SDSL: variants seen among roughly 807,000 people sequenced by gnomAD.
SDSL encodes the protein serine dehydratase like.
In SDSL, 26 loss-of-function variants were observed where a neutral mutation model predicts 27.6. The observed-to-expected ratio is 0.94, with a 90% CI of 0.69 to 1.31. The LOEUF is 1.31. Among genes scored for constraint, SDSL ranks in the 50% most tolerant of loss-of-function variants. SDSL has a pLI of 0.00. For synonymous variants in SDSL, 196 were observed against 180.6 expected (o/e 1.09, Z -0.69); for missense variants, 431 against 423.5 (o/e 1.02, Z -0.16).
chr12:113,426,446 A>G, intron 1 of SDSL: 1 of 283,978 alleles, frequency 3.5e-6, no homozygotes. Flanking sequence ...TTGAAATGTG[A>G]ACAATTAACA....
At chr12:113,436,652 G>A (rs558899964) in intron 6 of SDSL, 99 bp from the exon 7 acceptor site, 7 of 1,261,958 alleles carry the variant, frequency 5.5e-6, no homozygotes, top group Non-Finnish European at 7.4e-6. Context: ...CCAGCCCATG[G>A]CAGGATGGGA....
chr12:113,434,040 A>G, intron 4 of SDSL, 94 bp from the exon 5 acceptor site: 1 of 1,038,262 alleles, frequency 9.6e-7, no homozygotes, highest in African/African-American at 1.6e-5. Context: ...AGACTACTAG[A>G]TCCTGGGGCC....
chr12:113,432,216 CTTT>C (rs1957931400), intron 4 of SDSL, among the ~76,000 whole-genome samples: 3 of 1,694 alleles, frequency 1.8e-3, no homozygotes, highest in Non-Finnish European at 2.9e-3. Context: ...TTGCTTCTTT[CTTT>C]CTTTCTTTCT....
At chr12:113,434,069 C>A in intron 4 of SDSL, 65 bp from the exon 5 acceptor site, 1 of 1,355,688 alleles carries the variant, frequency 7.4e-7, no homozygotes, top group Non-Finnish European at 1.0e-6. Context: ...GATCCTGGGC[C>A]TCTGCTCCGG....
At chr12:113,424,171 C>T (rs989467730) in intron 1 of SDSL, among the ~76,000 whole-genome samples, 9 of 151,936 alleles carry the variant, frequency 5.9e-5, no homozygotes, top group Non-Finnish European at 8.8e-5. Flanking sequence ...TACAGGCATG[C>T]GCCACCATGC....
intron 7 of SDSL, chr12:113,437,076 G>C (rs775607915): frequency 3.0e-5 from 12 of 405,084 alleles, no homozygotes; most frequent in Admixed American, 4.7e-5. Context: ...CTAGCCCCCA[G>C]ACTTTCATAC....
At chr12:113,426,282 C>T in intron 1 of SDSL, 1 of 455,858 alleles carries the variant, frequency 2.2e-6, no homozygotes, top group Non-Finnish European at 4.4e-6. Context: ...TTTCAAAGTT[C>T]CCCTTTCAAG....
intron 6 of SDSL, 91 bp downstream of exon 6, chr12:113,435,647 C>A: frequency 9.2e-7 from 1 of 1,088,842 alleles, no homozygotes; most frequent in Non-Finnish European, 1.3e-6. Context: ...GAGACGGGGG[C>A]ACCCAAAAGG....
intron 5 of SDSL, 48 bp downstream of exon 5, chr12:113,434,270 C>G (rs1347513321): frequency 1.0e-5 from 15 of 1,429,644 alleles, no homozygotes; most frequent in Non-Finnish European, 1.4e-5. Context: ...GGGAGACCTT[C>G]ACTGAGTCAG....
At chr12:113,435,909 G>C (rs1957985198) in intron 6 of SDSL, among the ~76,000 whole-genome samples, 1 of 152,156 alleles carries the variant, frequency 6.6e-6, no homozygotes, top group Admixed American at 6.5e-5. Flanking sequence ...TTGAGGTCAG[G>C]AGTTTGAGAC....
At position 113,438,021 on chromosome 12, in the gene SDSL, GCAA is replaced by G; in HGVS notation, c.938_940del (p.Asn313del). ...TCAGTTGTGGTAATCGTGTGTGGAG[GCAA>G]CAACATCAACAGCCGAGAGCTGCAG... On this transcript the variant is annotated inframe_deletion, in exon 8 of 8. Transcript: ENST00000403593. 2 of 1,614,122 alleles carry G rather than the reference GCAA, an allele frequency of 1.2e-6. No individual in the cohort carries two copies. Among genetic ancestry groups the G allele is most frequent in the Non-Finnish European group, 1.7e-6 (2 of 1,180,004 alleles).
At chr12:113,434,551 G>A (rs1957967148) in intron 5 of SDSL, among the ~76,000 whole-genome samples, 1 of 152,190 alleles carries the variant, frequency 6.6e-6, no homozygotes, top group Non-Finnish European at 1.5e-5. Context: ...AAGCCCTAGA[G>A]GTGGGTGCTA....
intron 4 of SDSL, among the ~76,000 whole-genome samples, chr12:113,430,116 T>TTCCG (rs974289565): frequency 3.4e-5 from 5 of 148,272 alleles, no homozygotes; most frequent in African/African-American, 1.3e-4. Context: ...TCTCCCTTCT[T>TTCCG]TCCATCCATC....
At chr12:113,436,667 G>A in intron 6 of SDSL, 84 bp from the exon 7 acceptor site, 1 of 1,364,116 alleles carries the variant, frequency 7.3e-7, no homozygotes. Context: ...ATGGGAGGGG[G>A]TGGCTGGGGC....
chr12:113,430,147 C>A (rs1957903847), intron 4 of SDSL, among the ~76,000 whole-genome samples: 1 of 148,726 alleles, frequency 6.7e-6, no homozygotes, highest in African/African-American at 2.5e-5. Flanking sequence ...TCCACCCATC[C>A]ATCCATCCAT....
At chr12:113,428,393 C>G in intron 2 of SDSL, 27 bp from the exon 3 acceptor site, 1 of 1,605,434 alleles carries the variant, frequency 6.2e-7, no homozygotes, top group African/African-American at 1.3e-5. Context: ...TTGGGTTAGC[C>G]GCTAACCCCA....
At chr12:113,427,533 C>T (rs1286720063) in intron 1 of SDSL, among the ~76,000 whole-genome samples, 7 of 152,228 alleles carry the variant, frequency 4.6e-5, no homozygotes, top group Admixed American at 4.6e-4. Context: ...TAAAATAACA[C>T]CCCATACCCT....
intron 7 of SDSL, 142 bp downstream of exon 7, chr12:113,437,017 G>A (rs1267868158): frequency 1.3e-5 from 10 of 762,268 alleles, no homozygotes; most frequent in Non-Finnish European, 1.9e-5. Flanking sequence ...AGTGCACGTC[G>A]AGTAGATGGA....
intron 4 of SDSL, 88 bp downstream of exon 4, chr12:113,429,387 T>G: frequency 7.1e-7 from 1 of 1,406,546 alleles, no homozygotes; most frequent in Non-Finnish European, 9.8e-7. Flanking sequence ...CTCCTTTTCC[T>G]TTCGATGAGC....
Sources: gnomAD v4.1 joint callset for allele counts (sites outside exome capture counted in the v4.1 genomes callset) on GRCh38, gnomAD v4.1.1 for gene constraint, MANE v1.5 for transcripts, NCBI Gene and HGNC (gene_info 2026-07-23, HGNC 2026-07-21) for gene names.